Variants in TAFA2 observed in about 807,000 individuals in gnomAD.
TAFA2 encodes chemokine-like protein TAFA-2.
In TAFA2, 7 loss-of-function variants were observed where a neutral mutation model predicts 18.8. The ratio of observed to expected loss-of-function variants is 0.37; its 90% CI spans 0.21 to 0.70. The LOEUF is 0.70. TAFA2 is among the 30% of genes least tolerant of loss of function. The pLI, the probability that TAFA2 is intolerant of heterozygous loss-of-function variation, is 0.53. For missense variants in TAFA2, 122 were observed against 158.1 expected (o/e 0.77, Z 1.23); for synonymous variants, 60 against 54.2 (o/e 1.11, Z -0.47).
chr12:61,886,322 C>T (rs1875374674), intron 1 of TAFA2, among the ~76,000 whole-genome samples: 1 of 152,160 alleles, frequency 6.6e-6, no homozygotes, highest in African/African-American at 2.4e-5. Context: ...GGCCTGACTC[C>T]TTTTCTTGGG....
At chr12:62,029,956 T>C (rs984023568) in intron 1 of TAFA2, among the ~76,000 whole-genome samples, 4 of 152,016 alleles carry the variant, frequency 2.6e-5, no homozygotes, top group Admixed American at 1.3e-4. Flanking sequence ...ATCTTAGAAT[T>C]AACACAGGGC....
chr12:61,805,700 T>G (rs1027757348), intron 2 of TAFA2, among the ~76,000 whole-genome samples: 1 of 152,126 alleles, frequency 6.6e-6, no homozygotes, highest in Admixed American at 6.5e-5. Context: ...AGGACCTATA[T>G]TTAGTAGATT....
intron 1 of TAFA2, among the ~76,000 whole-genome samples, chr12:61,873,136 G>T (rs1254274734): frequency 1.3e-5 from 2 of 152,118 alleles, no homozygotes; most frequent in Non-Finnish European, 2.9e-5. Context: ...TTTTAATGGA[G>T]AAGTTTTATT....
At chr12:61,747,568 A>G (rs1317693573) in intron 4 of TAFA2, among the ~76,000 whole-genome samples, 1 of 150,974 alleles carries the variant, frequency 6.6e-6, no homozygotes, top group Non-Finnish European at 1.5e-5. Flanking sequence ...CTTTGTAGGG[A>G]CATGGATGAA....
At chr12:62,144,153 C>T (rs375553571) in intron 1 of TAFA2, among the ~76,000 whole-genome samples, 1 of 150,890 alleles carries the variant, frequency 6.6e-6, no homozygotes, top group Non-Finnish European at 1.5e-5. Flanking sequence ...CAAACTGTGA[C>T]TATTGCCTCT....
chr12:61,989,261 T>C (rs1368716177), intron 1 of TAFA2, among the ~76,000 whole-genome samples: 1 of 152,118 alleles, frequency 6.6e-6, no homozygotes, highest in Non-Finnish European at 1.5e-5. Context: ...GAAAAATGCC[T>C]AGTGATCCAT....
intron 2 of TAFA2, among the ~76,000 whole-genome samples, chr12:61,840,154 T>A (rs1025615436): frequency 6.6e-6 from 1 of 152,074 alleles, no homozygotes; most frequent in Non-Finnish European, 1.5e-5. Context: ...CTGAATCCAG[T>A]GCTTCAGGAG....
chr12:62,003,895 A>G (rs1880460147), intron 1 of TAFA2, among the ~76,000 whole-genome samples: 1 of 152,112 alleles, frequency 6.6e-6, no homozygotes, highest in Non-Finnish European at 1.5e-5. Flanking sequence ...CACATTTTTC[A>G]TTTCCCATTT....
At chr12:62,161,430 C>T (rs2062406345) in intron 1 of TAFA2, among the ~76,000 whole-genome samples, 1 of 152,154 alleles carries the variant, frequency 6.6e-6, no homozygotes, top group African/African-American at 2.4e-5. Context: ...AGATCATTAT[C>T]TTGAGTGAAA....
At chr12:62,194,920 G>T (rs1163240816), upstream of TAFA2, among the ~76,000 whole-genome samples, 1 of 152,130 alleles carries the variant, frequency 6.6e-6, no homozygotes, top group Non-Finnish European at 1.5e-5. Flanking sequence ...TCTTAAAAAT[G>T]TACATATCTT....
At chr12:61,777,361 C>T (rs1436524543) in intron 2 of TAFA2, among the ~76,000 whole-genome samples, 1 of 151,862 alleles carries the variant, frequency 6.6e-6, no homozygotes, top group Non-Finnish European at 1.5e-5. Context: ...AGGGAAAGCT[C>T]TTAACACTGT....
chr12:61,767,023 A>G (rs928304162), intron 2 of TAFA2, among the ~76,000 whole-genome samples: 22 of 152,266 alleles, frequency 1.4e-4, no homozygotes, highest in Admixed American at 1.3e-3. Flanking sequence ...GTCACAATTT[A>G]TCATCTGTGG....
chr12:62,136,501 T>C (rs1245444), intron 1 of TAFA2, among the ~76,000 whole-genome samples: 140,061 of 152,188 alleles, frequency 0.92, 64,485 homozygotes, highest in Admixed American at 0.93. Flanking sequence ...ATATAATTTC[T>C]CCTAAGGTTT....
intron 4 of TAFA2, among the ~76,000 whole-genome samples, chr12:61,752,428 A>T (rs1014923989): frequency 6.6e-6 from 1 of 151,992 alleles, no homozygotes; most frequent in Non-Finnish European, 1.5e-5. Context: ...TCATGGTATA[A>T]ATAGCTTATA....
intron 4 of TAFA2, among the ~76,000 whole-genome samples, chr12:61,715,374 A>C (rs1159148933): frequency 1.3e-5 from 2 of 151,592 alleles, no homozygotes; most frequent in Non-Finnish European, 2.9e-5. Context: ...TTTGAGATGG[A>C]GTCTCGTTCT....
chr12:62,002,914 C>A (rs1457135793), intron 1 of TAFA2, among the ~76,000 whole-genome samples: 8 of 152,124 alleles, frequency 5.3e-5, no homozygotes, highest in Admixed American at 4.6e-4. Context: ...ATGCTTAAAC[C>A]CCACAAGTTC....
intron 1 of TAFA2, among the ~76,000 whole-genome samples, chr12:61,886,744 T>C (rs1875400384): frequency 6.6e-6 from 1 of 152,212 alleles, no homozygotes; most frequent in African/African-American, 2.4e-5. Context: ...CTTATACTGT[T>C]ACCTCTTACA....
chr12:61,912,374 T>C (rs1339111809), intron 1 of TAFA2, among the ~76,000 whole-genome samples: 1 of 152,236 alleles, frequency 6.6e-6, no homozygotes, highest in Non-Finnish European at 1.5e-5. Context: ...AATTATAATA[T>C]TGGAGATATA....
chr12:62,183,227 C>T (rs1381889456), intron 1 of TAFA2, among the ~76,000 whole-genome samples: 2 of 152,196 alleles, frequency 1.3e-5, no homozygotes, highest in African/African-American at 4.8e-5. Context: ...ACAACCACCA[C>T]ATGAGGGTCT....
Sources: allele counts gnomAD v4.1 joint callset (sites outside exome capture counted in the v4.1 genomes callset), GRCh38; gene constraint gnomAD v4.1.1; transcripts MANE v1.5; gene names NCBI Gene and HGNC (gene_info 2026-07-23, HGNC 2026-07-21).